The following CCSER2 variants were observed in gnomAD, a reference collection of about 807,000 sequenced individuals.
CCSER2 encodes the protein coiled-coil serine rich protein 2.
Under a neutral mutation model 92.3 loss-of-function variants are expected in CCSER2, and 46 were observed. The ratio of observed to expected loss-of-function variants is 0.50; its 90% CI spans 0.39 to 0.64. The LOEUF is 0.64. CCSER2 is among the 30% of genes least tolerant of loss of function. The probability of loss-of-function intolerance (pLI) is 0.00; values close to 1 mark genes in which losing one functional copy is unlikely to be tolerated. For missense variants in CCSER2, 1,244 were observed against 1,238.9 expected (o/e 1.00, Z -0.06); for synonymous variants, 433 against 431.4 (o/e 1.00, Z -0.04).
intron 9 of CCSER2, among the ~76,000 whole-genome samples, chr10:84,486,069 G>T (rs1269627566): frequency 6.6e-6 from 1 of 152,138 alleles, no homozygotes; most frequent in Non-Finnish European, 1.5e-5. Flanking sequence ...CAAAGGACAT[G>T]AACTCATCCT....
chr10:84,399,058 G>A (rs1214879749), intron 3 of CCSER2, among the ~76,000 whole-genome samples: 3 of 152,084 alleles, frequency 2.0e-5, no homozygotes, highest in Admixed American at 6.5e-5. Context: ...TATATATTTT[G>A]GGAATACAGA....
At chr10:84,352,081 A>G (rs185001516) in intron 1 of CCSER2, among the ~76,000 whole-genome samples, 2,322 of 152,242 alleles carry the variant, frequency 0.015, 48 homozygotes, top group Non-Finnish European at 0.02. Context: ...CAGGCGGATC[A>G]CGAGGTCAGG....
chr10:84,455,633 C>T, intron 6 of CCSER2: 1 of 630,878 alleles, frequency 1.6e-6, no homozygotes, highest in South Asian at 1.6e-5. Flanking sequence ...CTTTTTTGAA[C>T]TGCCTTCCAC....
At chr10:84,457,269 ATATAATATATT>A (rs1215025454) in intron 6 of CCSER2, among the ~76,000 whole-genome samples, 62 of 9,188 alleles carry the variant, frequency 6.7e-3, no homozygotes, top group African/African-American at 0.02. Context: ...AATATATTAT[ATATAATATATT>A]ATATATTATA....
intron 6 of CCSER2, among the ~76,000 whole-genome samples, chr10:84,441,734 A>AATTTTTT (rs1564667378): frequency 4.7e-5 from 5 of 106,410 alleles, no homozygotes; most frequent in Non-Finnish European, 5.5e-5. Flanking sequence ...GACTGGGAAA[A>AATTTTTT]TGTTTTTTTT....
rs1463647457 is a variant in CCSER2 at position 84,455,542 on chromosome 10, C to T, written c.2065-8391C>T. ...CTGCCTGCCTCAGCCTCCCAAAGTG[C>T]TGGGATTACAGGCGTGAGCTACTGC... On this transcript the variant is annotated intron_variant, in intron 6 of 9. Transcript: ENST00000372088. 1.3e-5 allele frequency: 5 copies of T among 375,208 alleles called. No individual in the cohort carries two copies. The East Asian group carries it at 3.4e-4, about 26-fold the overall frequency. 23.2% of individuals were successfully genotyped at this position (375,208 alleles called of 1,614,324 possible). A position where few individuals can be genotyped will look rare whatever the true frequency, so the allele number is the denominator to read the frequency against.
chr10:84,487,816 G>T (rs914754502), intron 9 of CCSER2, among the ~76,000 whole-genome samples: 2 of 152,158 alleles, frequency 1.3e-5, no homozygotes, highest in African/African-American at 2.4e-5. Flanking sequence ...CCTGTCTTGT[G>T]CCAGTTTCAA....
chr10:84,490,844 C>T (rs546047280), intron 9 of CCSER2, among the ~76,000 whole-genome samples: 1 of 152,220 alleles, frequency 6.6e-6, no homozygotes, highest in African/African-American at 2.4e-5. Context: ...AGCTTTTCTG[C>T]TCTGTTTTTT....
chr10:84,414,886 T>A (rs951912732), intron 3 of CCSER2, among the ~76,000 whole-genome samples: 13 of 152,176 alleles, frequency 8.5e-5, no homozygotes, highest in Non-Finnish European at 1.2e-4. Flanking sequence ...TTGTTTTATT[T>A]CAGCAAGATA....
chr10:84,381,258 T>G (rs1840891081), intron 3 of CCSER2, among the ~76,000 whole-genome samples: 1 of 152,200 alleles, frequency 6.6e-6, no homozygotes, highest in African/African-American at 2.4e-5. Flanking sequence ...TTCTAATTGT[T>G]TTGTTTTACA....
chr10:84,486,429 T>C (rs1370312281), intron 9 of CCSER2, among the ~76,000 whole-genome samples: 12 of 152,154 alleles, frequency 7.9e-5, no homozygotes, highest in African/African-American at 2.7e-4. Context: ...TTTTAATGAT[T>C]GCCATTCTAA....
At position 84,371,630 on chromosome 10, in the gene CCSER2, G is replaced by C. The variant is rs922894847; in HGVS notation, c.578G>C (p.Cys193Ser). 4 of 1,613,418 alleles carry C rather than the reference G, an allele frequency of 2.5e-6. No homozygotes were observed. Among genetic ancestry groups the C allele is most frequent in the East Asian group, 2.2e-5 (1 of 44,866 alleles). ...ATGCAAAGGCCTAGAGCGAACTCCTGTGCCACCAGAAGCAGTTCTGGAGAA... is the reference window on the plus strand; with the variant it reads ...ATGCAAAGGCCTAGAGCGAACTCCTCTGCCACCAGAAGCAGTTCTGGAGAA... ...GSMQRPRANS[C>S]ATRSSSGESL... The change falls in exon 2 of 10, where the codon TGT (cysteine) becomes TCT (serine). Residue 193 changes from cysteine to serine, a missense_variant. Transcript: ENST00000372088.
intron 8 of CCSER2, among the ~76,000 whole-genome samples, chr10:84,472,782 T>TA (rs889308919): frequency 6.6e-6 from 1 of 152,134 alleles, no homozygotes; most frequent in African/African-American, 2.4e-5. Flanking sequence ...AATGTATCTT[T>TA]AAAAAAATAA....
chr10:84,361,232 G>A (rs1181679273), intron 1 of CCSER2, among the ~76,000 whole-genome samples: 1 of 152,228 alleles, frequency 6.6e-6, no homozygotes, highest in African/African-American at 2.4e-5. Context: ...ACATTAAAAT[G>A]TTAGCTTATT....
chr10:84,384,284 A>G (rs1046112116), intron 3 of CCSER2, among the ~76,000 whole-genome samples: 11 of 152,128 alleles, frequency 7.2e-5, no homozygotes, highest in African/African-American at 1.7e-4. Context: ...TATGAAACCA[A>G]TATCATCCTG....
chr10:84,364,570 T>C, intron 1 of CCSER2, among the ~76,000 whole-genome samples: 1 of 152,180 alleles, frequency 6.6e-6, no homozygotes, highest in Non-Finnish European at 1.5e-5. Flanking sequence ...TACCTTATAA[T>C]GTTATGAAGA....
intron 1 of CCSER2, among the ~76,000 whole-genome samples, chr10:84,352,313 AAAAC>A (rs917468356): frequency 2.0e-5 from 3 of 148,368 alleles, no homozygotes; most frequent in African/African-American, 7.4e-5. Flanking sequence ...AAAAAAAACA[AAAAC>A]AAAATAGGTG....
In CCSER2 at chr10:84,506,827, A is replaced by C. The variant is rs536476824; in HGVS notation, c.2326-6622A>C. ...AATAAATAAATAAATAAATAAATAA[A>C]TCTAACACTTATTTAATCTTATAAT... On this transcript the variant is annotated intron_variant, in intron 9 of 9. Coordinates refer to ENST00000372088, the MANE Select transcript of CCSER2 (RefSeq NM_001284240.2). 1.1e-4 allele frequency among the ~76,000 whole-genome samples: 16 copies of C among 151,994 alleles called. No homozygotes were observed. The South Asian group carries it at 2.9e-3, about 28-fold the overall frequency.
At chr10:84,424,898 G>C in intron 4 of CCSER2, 1 of 655,330 alleles carries the variant, frequency 1.5e-6, no homozygotes, top group Non-Finnish European at 1.9e-6. Context: ...GCTTCCCACA[G>C]GGAGGGCTGG....
Sources: allele counts gnomAD v4.1 joint callset (sites outside exome capture counted in the v4.1 genomes callset), GRCh38; gene constraint gnomAD v4.1.1; transcripts MANE v1.5; gene names NCBI Gene and HGNC (gene_info 2026-07-23, HGNC 2026-07-21).